The following CCDC7 variants were observed in gnomAD, a reference collection of about 807,000 sequenced individuals.
CCDC7 encodes the protein coiled-coil domain-containing protein 7.
A neutral mutation model predicts 196.9 loss-of-function variants in CCDC7; 183 were observed. That is an observed-to-expected ratio of 0.93 (90% CI 0.82 to 1.05). The LOEUF is 1.05. Among genes scored for constraint, CCDC7 ranks in the 50% least tolerant of loss-of-function variants. The probability of loss-of-function intolerance (pLI) is 0.00; values close to 1 mark genes in which losing one functional copy is unlikely to be tolerated. For missense variants in CCDC7, 1,540 were observed against 1,482.2 expected, an observed-to-expected ratio of 1.04 and a Z score of -0.64; for synonymous variants, 525 against 484.6, an observed-to-expected ratio of 1.08 and a Z score of -1.10.
In CCDC7 at chr10:32,697,529, G is replaced by A. The variant is rs140778926; in HGVS notation, c.2458+2537G>A. ...GGCGCACCAGGAGATTATATCCTGC[G>A]CCTCGCTTGGCGGGTCCCACACCCA... On this transcript the variant is annotated intron_variant, in intron 24 of 41. Coordinates refer to ENST00000639629, the Ensembl canonical transcript of CCDC7. 1.2e-3 allele frequency among the ~76,000 whole-genome samples: 178 copies of A among 152,278 alleles called. 2 individuals carry two copies. The highest frequency in any genetic ancestry group is 2.9e-3 in the African/African-American group (121 of 41,548).
Position 32,472,178 on chromosome 10 carries a change from C to T in CCDC7, c.678-303C>T, listed in dbSNP as rs915249794. On this transcript the variant is annotated intron_variant, in intron 6 of 41. Transcript: ENST00000639629. ...CATTATACGATTGATAATAATACTT[C>T]GACAAAAAGATACCTCATGTTTCTA... Among the ~76,000 whole-genome samples the T allele has an allele frequency of 5.3e-5, 8 of 152,070 alleles. No homozygotes were observed. The East Asian group carries it at 5.8e-4, about 11-fold the overall frequency.
intron 28 of CCDC7, among the ~76,000 whole-genome samples, chr10:32,775,921 C>T (rs972854883): frequency 6.6e-6 from 1 of 150,540 alleles, no homozygotes; most frequent in African/African-American, 2.4e-5. Context: ...GAAAATGTGG[C>T]ACATATACAC....
intron 20 of CCDC7, among the ~76,000 whole-genome samples, chr10:32,659,111 A>G (rs1369945058): frequency 2.0e-5 from 3 of 151,988 alleles, no homozygotes; most frequent in Admixed American, 6.6e-5. Flanking sequence ...TTAGTGTTCC[A>G]TGACATGTAC....
intron 33 of CCDC7, among the ~76,000 whole-genome samples, chr10:32,841,699 C>T (rs2136104216): frequency 6.6e-6 from 1 of 151,952 alleles, no homozygotes; most frequent in Middle Eastern, 3.4e-3. Flanking sequence ...ATCACATTAC[C>T]AACTTCAAAC....
intron 18 of CCDC7, among the ~76,000 whole-genome samples, chr10:32,610,934 A>T (rs562132776): frequency 2.3e-3 from 351 of 152,288 alleles, no homozygotes; most frequent in Non-Finnish European, 3.9e-3. Flanking sequence ...TTGAGTATAT[A>T]CCCAGTAATG....
chr10:32,520,150 G>C (rs1589459639), intron 11 of CCDC7, among the ~76,000 whole-genome samples: 1 of 152,134 alleles, frequency 6.6e-6, no homozygotes, highest in East Asian at 1.9e-4. Flanking sequence ...CCAAATCTTG[G>C]CTACTGAAAA....
At chr10:32,882,819 T>C (rs1237452835) in exon 23 of CCDC7, 2 of 152,186 alleles carry the variant, frequency 1.3e-5, no homozygotes, top group South Asian at 4.1e-4. Context: ...CCTGTAATGC[T>C]TTCTGGTGTG....
At chr10:32,686,953 G>C (rs751564412) in intron 22 of CCDC7, among the ~76,000 whole-genome samples, 11 of 152,194 alleles carry the variant, frequency 7.2e-5, no homozygotes, top group Non-Finnish European at 1.3e-4. Flanking sequence ...GGATTTTAAA[G>C]ATGTGTTGCA....
chr10:32,870,999 G>A (rs534227281), intron 41 of CCDC7, among the ~76,000 whole-genome samples: 2 of 152,268 alleles, frequency 1.3e-5, no homozygotes, highest in South Asian at 4.1e-4. Flanking sequence ...CGGTTTGCCA[G>A]TATTTTATTG....
intron 9 of CCDC7, chr10:32,511,699 A>G: frequency 6.3e-7 from 1 of 1,582,672 alleles, no homozygotes; most frequent in South Asian, 1.1e-5. Flanking sequence ...AATACTCGTG[A>G]ATTTCTACTG....
intron 3 of CCDC7, among the ~76,000 whole-genome samples, chr10:32,461,725 A>ATATG (rs2035733570): frequency 3.8e-5 from 1 of 26,310 alleles, no homozygotes; most frequent in African/African-American, 9.4e-5. Flanking sequence ...ATATATATAT[A>ATATG]TATATGTATA....
At chr10:32,584,325 A>C (rs972858294) in intron 18 of CCDC7, 21 bp downstream of exon 19, 10 of 1,492,152 alleles carry the variant, frequency 6.7e-6, no homozygotes, top group Non-Finnish European at 9.3e-6. Flanking sequence ...TCTGTTTTGG[A>C]AGATGAAAAT....
chr10:32,696,280 A>G (rs376672060), intron 24 of CCDC7, among the ~76,000 whole-genome samples: 20 of 152,166 alleles, frequency 1.3e-4, no homozygotes, highest in Middle Eastern at 3.4e-3. Context: ...GTGGCCTCCA[A>G]CTGAAAACCA....
chr10:32,638,459 A>C (rs1197749609), intron 20 of CCDC7, among the ~76,000 whole-genome samples: 1 of 152,162 alleles, frequency 6.6e-6, no homozygotes, highest in African/African-American at 2.4e-5. Flanking sequence ...AATTTTGTCA[A>C]AGGCCTCTTC....
rs150818981 is a variant in CCDC7, at chr10:32,691,954, T to C, written c.2344+2791T>C. On this transcript the variant is annotated intron_variant, in intron 23 of 41. Coordinates refer to ENST00000639629, the Ensembl canonical transcript of CCDC7. ...CCCTTTCCTCCACTTCCTTAGGCAA[T>C]ATGGGCACTGTCAAGATTCTCTTAA... Among the ~76,000 whole-genome samples, 321 of 152,336 alleles carry C rather than the reference T, an allele frequency of 2.1e-3. 2 individuals are homozygous for C. Among genetic ancestry groups the C allele is most frequent in the African/African-American group, 7.5e-3 (312 of 41,578 alleles).
At chr10:32,818,814 A>C (rs1266636179) in intron 31 of CCDC7, among the ~76,000 whole-genome samples, 2 of 152,202 alleles carry the variant, frequency 1.3e-5, no homozygotes, top group Admixed American at 6.5e-5. Context: ...CATTCAAAGC[A>C]GTGTGTAGAG....
chr10:32,693,829 T>C (rs1379371390), intron 23 of CCDC7, among the ~76,000 whole-genome samples: 1 of 152,114 alleles, frequency 6.6e-6, no homozygotes, highest in East Asian at 1.9e-4. Context: ...TGGGTATGTG[T>C]CTGAGTGCGC....
intron 18 of CCDC7, among the ~76,000 whole-genome samples, chr10:32,626,088 A>G (rs1350451314): frequency 1.3e-5 from 2 of 152,064 alleles, no homozygotes; most frequent in Non-Finnish European, 2.9e-5. Flanking sequence ...ATACTCAGAA[A>G]TGCAATTGCC....
In CCDC7 at chr10:32,828,464, AGAG is replaced by A. The variant is rs59673726; in HGVS notation, c.3268+3863_3268+3865del. The stretch of plus-strand genomic sequence containing the variant: ...GAGAAGAAGAAGAAGAAGAAGAAGA[AGAG>A]GAAGAGGAAGAGGAAGAGGAAGAAG... On this transcript the variant is annotated intron_variant, in intron 32 of 41. Coordinates refer to ENST00000639629, the Ensembl canonical transcript of CCDC7. 8.4e-3 allele frequency among the ~76,000 whole-genome samples: 558 copies of A among 66,602 alleles called. 19 individuals are homozygous for A. The highest frequency in any genetic ancestry group is 0.022 in the African/African-American group (497 of 22,488). The allele number at this position is 66,602 out of a possible 152,430, so 43.7% of individuals were successfully genotyped here. A position where few individuals can be genotyped will look rare whatever the true frequency, so the allele number is the denominator to read the frequency against.
Sources: allele counts gnomAD v4.1 joint callset (sites outside exome capture counted in the v4.1 genomes callset), GRCh38; gene constraint gnomAD v4.1.1; transcripts MANE v1.5; gene names NCBI Gene and HGNC (gene_info 2026-07-23, HGNC 2026-07-21).